Variants in DPP10 observed in about 807,000 individuals in gnomAD.
DPP10 encodes the protein dipeptidyl peptidase like 10.
Under a neutral mutation model 120.9 loss-of-function variants are expected in DPP10, and 33 were observed. The observed-to-expected ratio is 0.27, with a 90% confidence interval of 0.21 to 0.37. The LOEUF (loss-of-function observed/expected upper bound fraction) is 0.37. Among genes scored for constraint, DPP10 ranks in the 10% least tolerant of loss-of-function variants. The pLI, the probability that DPP10 is intolerant of heterozygous loss-of-function variation, is 1.00. For synonymous variants in DPP10, 337 were observed against 326.1 expected (o/e 1.03, Z -0.36); for missense variants, 816 against 942.8 (o/e 0.87, Z 1.76).
intron 1 of DPP10, among the ~76,000 whole-genome samples, chr2:115,206,067 A>C (rs1279589394): frequency 1.3e-5 from 2 of 152,200 alleles, no homozygotes; most frequent in African/African-American, 4.8e-5. Context: ...TGAAAAGAGG[A>C]GGAGCAACTT....
intron 1 of DPP10, among the ~76,000 whole-genome samples, chr2:114,822,211 C>T (rs947967550): frequency 6.6e-6 from 1 of 152,202 alleles, no homozygotes; most frequent in Non-Finnish European, 1.5e-5. Context: ...GGTTCCCAAA[C>T]CTCAGTTCAT....
Position 114,545,086 on chromosome 2 carries a change from G to A in DPP10, c.60+102248G>A, listed in dbSNP as rs536319818. 9.1e-4 allele frequency among the ~76,000 whole-genome samples: 138 copies of A among 152,200 alleles called. 1 individual carries two copies. Among genetic ancestry groups the A allele is most frequent in the Non-Finnish European group, 1.4e-3 (92 of 68,012 alleles). On this transcript the variant is annotated intron_variant, in intron 1 of 25. Coordinates refer to ENST00000410059, the MANE Select transcript of DPP10 (RefSeq NM_020868.6). ...AGGATGGTCTGGATCTCTTGACCTCGTGATCCGCCCACTTCAGCCTTCCAA... is the reference window on the plus strand; with the variant it reads ...AGGATGGTCTGGATCTCTTGACCTCATGATCCGCCCACTTCAGCCTTCCAA...
At chr2:115,334,278 T>G in intron 2 of DPP10, among the ~76,000 whole-genome samples, 1 of 136,060 alleles carries the variant, frequency 7.3e-6, no homozygotes. Flanking sequence ...AACAAGAGAT[T>G]AGAAAGAGTA....
chr2:114,733,779 G>C (rs867389135), intron 1 of DPP10, among the ~76,000 whole-genome samples: 4 of 152,110 alleles, frequency 2.6e-5, no homozygotes, highest in Non-Finnish European at 4.4e-5. Context: ...AATTATTATA[G>C]AGTATTGAAT....
At chr2:115,504,274 A>AATTTT (rs1558768139) in intron 4 of DPP10, among the ~76,000 whole-genome samples, 1 of 74,134 alleles carries the variant, frequency 1.3e-5, no homozygotes, top group Non-Finnish European at 2.5e-5. Flanking sequence ...GCTATTGCCA[A>AATTTT]CTTTTTTTTT....
chr2:115,372,464 G>A (rs776577437), intron 3 of DPP10, among the ~76,000 whole-genome samples: 2 of 152,130 alleles, frequency 1.3e-5, no homozygotes, highest in African/African-American at 4.8e-5. Context: ...ATTAAAATGT[G>A]TTGTAATTTT....
At chr2:114,874,276 G>A (rs889147302) in intron 1 of DPP10, among the ~76,000 whole-genome samples, 2 of 152,156 alleles carry the variant, frequency 1.3e-5, no homozygotes, top group Non-Finnish European at 2.9e-5. Context: ...GTCTGTGCTA[G>A]AAGAGGATCA....
chr2:115,080,319 C>T (rs1708169362), intron 1 of DPP10, among the ~76,000 whole-genome samples: 1 of 152,084 alleles, frequency 6.6e-6, no homozygotes, highest in South Asian at 2.1e-4. Flanking sequence ...TGCCTGGCCA[C>T]CCTGTATATC....
chr2:115,180,897 C>T (rs1240866403), intron 1 of DPP10, among the ~76,000 whole-genome samples: 3 of 94,194 alleles, frequency 3.2e-5, no homozygotes, highest in Non-Finnish European at 4.1e-5. Flanking sequence ...ATGCTCTCTC[C>T]CTCCCTCCAT....
chr2:115,057,282 G>GAAAT (rs1040704607), intron 1 of DPP10, among the ~76,000 whole-genome samples: 1 of 152,164 alleles, frequency 6.6e-6, no homozygotes, highest in Admixed American at 6.5e-5. Flanking sequence ...GCCTGAGGTA[G>GAAAT]AAATAGTAGA....
intron 1 of DPP10, among the ~76,000 whole-genome samples, chr2:115,116,180 G>C (rs2049495058): frequency 6.6e-6 from 1 of 152,036 alleles, no homozygotes; most frequent in South Asian, 2.1e-4. Context: ...CACAGTCTAT[G>C]GGACAGCAGA....
chr2:114,879,990 A>G (rs573713176), intron 1 of DPP10, among the ~76,000 whole-genome samples: 1 of 152,280 alleles, frequency 6.6e-6, no homozygotes, highest in South Asian at 2.1e-4. Context: ...CCTGGTTTAG[A>G]TGACAAATGC....
chr2:115,340,781 T>A (rs2063405158), intron 2 of DPP10, among the ~76,000 whole-genome samples: 1 of 151,724 alleles, frequency 6.6e-6, no homozygotes, highest in Non-Finnish European at 1.5e-5. Flanking sequence ...GTTAATTTTT[T>A]AAATTTAATA....
chr2:115,542,300 A>G (rs1441986401), intron 5 of DPP10, among the ~76,000 whole-genome samples: 2 of 151,980 alleles, frequency 1.3e-5, no homozygotes, highest in East Asian at 3.9e-4. Flanking sequence ...TTGTCATGTT[A>G]GGAATGATAT....
intron 5 of DPP10, among the ~76,000 whole-genome samples, chr2:115,552,528 C>T (rs1287163347): frequency 1.3e-5 from 2 of 151,974 alleles, no homozygotes; most frequent in Admixed American, 6.6e-5. Context: ...ATTCATCTCC[C>T]CTTTTATCTT....
chr2:115,587,813 G>A (rs1053248499), intron 5 of DPP10, among the ~76,000 whole-genome samples: 2 of 152,068 alleles, frequency 1.3e-5, no homozygotes, highest in African/African-American at 2.4e-5. Flanking sequence ...TTTTCTTTCA[G>A]CTTGCTAGTT....
At position 115,583,446 on chromosome 2, in the gene DPP10, G is replaced by A. The variant is rs182734719; in HGVS notation, c.441+57474G>A. Among the ~76,000 whole-genome samples the A allele has an allele frequency of 7.2e-5, 11 of 152,316 alleles. No individual in the cohort carries two copies. The South Asian group carries it at 1.9e-3, about 26-fold the overall frequency. On this transcript the variant is annotated intron_variant, in intron 5 of 25. Coordinates refer to ENST00000410059, the MANE Select transcript of DPP10 (RefSeq NM_020868.6). ...CTGGAAAGCCCAAGAAGGCCTCTTG[G>A]TGCCTTGGAAAGGATAGGACCCTCG...
At chr2:115,149,449 A>T (rs1034748622) in intron 1 of DPP10, among the ~76,000 whole-genome samples, 1 of 152,174 alleles carries the variant, frequency 6.6e-6, no homozygotes, top group Non-Finnish European at 1.5e-5. Context: ...CATCCTCATC[A>T]ATTAGGATTT....
Position 115,007,033 on chromosome 2 carries a change from G to A in DPP10, c.61-302206G>A, listed in dbSNP as rs563260953. ...AACAAACTATCTCTCAGACCACAGT[G>A]CAATCCAACTAGAACTCAGGATTAA... On this transcript the variant is annotated intron_variant, in intron 1 of 25. Coordinates refer to ENST00000410059, the MANE Select transcript of DPP10 (RefSeq NM_020868.6). Among the ~76,000 whole-genome samples the A allele has an allele frequency of 2.4e-3, 360 of 152,040 alleles. 1 individual carries two copies. Among genetic ancestry groups the A allele is most frequent in the Non-Finnish European group, 4.0e-3 (273 of 67,972 alleles).
Sources: gnomAD v4.1 joint callset for allele counts (sites outside exome capture counted in the v4.1 genomes callset) on GRCh38, gnomAD v4.1.1 for gene constraint, MANE v1.5 for transcripts, NCBI Gene and HGNC (gene_info 2026-07-23, HGNC 2026-07-21) for gene names.